Variants in NKAIN2 observed in about 807,000 individuals in gnomAD.
NKAIN2 encodes sodium/potassium-transporting ATPase subunit beta-1-interacting protein 2.
Under a neutral mutation model 32.6 loss-of-function variants are expected in NKAIN2, and 14 were observed. That is an observed-to-expected ratio of 0.43 (90% CI 0.28 to 0.67). The LOEUF (loss-of-function observed/expected upper bound fraction) is 0.67, where lower values mean the gene tolerates loss of function less well. NKAIN2 is among the 30% of genes least tolerant of loss of function. The pLI, the probability that NKAIN2 is intolerant of heterozygous loss-of-function variation, is 0.17. For synonymous variants in NKAIN2, 80 were observed against 87.2 expected, an observed-to-expected ratio of 0.92 and a Z score of 0.46; for missense variants, 198 against 258.3, an observed-to-expected ratio of 0.77 and a Z score of 1.60.
intron 2 of NKAIN2, among the ~76,000 whole-genome samples, chr6:124,307,047 GT>G (rs557290728): frequency 1.2e-4 from 18 of 152,186 alleles, no homozygotes; most frequent in African/African-American, 4.1e-4. Context: ...AATGAGTTCT[GT>G]TACCACAGTG....
At chr6:124,212,818 G>T (rs1261301690) in intron 1 of NKAIN2, among the ~76,000 whole-genome samples, 3 of 151,970 alleles carry the variant, frequency 2.0e-5, no homozygotes, top group Non-Finnish European at 4.4e-5. Context: ...CTTTTGTTGA[G>T]TATTCATGTG....
At chr6:123,969,712 T>C (rs1355935253) in intron 1 of NKAIN2, among the ~76,000 whole-genome samples, 2 of 152,128 alleles carry the variant, frequency 1.3e-5, no homozygotes, top group Non-Finnish European at 2.9e-5. Context: ...TGCCAGTGTC[T>C]AGATGGGCAA....
At chr6:124,706,610 A>C (rs1205865742) in intron 4 of NKAIN2, among the ~76,000 whole-genome samples, 2 of 152,158 alleles carry the variant, frequency 1.3e-5, no homozygotes, top group African/African-American at 4.8e-5. Context: ...AGACTCAAAG[A>C]GCTGAATCCA....
intron 3 of NKAIN2, among the ~76,000 whole-genome samples, chr6:124,610,205 A>G (rs1032865260): frequency 6.6e-6 from 1 of 152,186 alleles, no homozygotes; most frequent in Non-Finnish European, 1.5e-5. Context: ...GTAATATTGT[A>G]TCTACTTACA....
At chr6:124,206,403 C>T (rs1012519322) in intron 1 of NKAIN2, among the ~76,000 whole-genome samples, 21 of 151,914 alleles carry the variant, frequency 1.4e-4, no homozygotes, top group Non-Finnish European at 2.5e-4. Context: ...TTCTATAAAT[C>T]AGAAAGTTTG....
intron 1 of NKAIN2, among the ~76,000 whole-genome samples, chr6:124,085,702 A>C (rs771174911): frequency 1.3e-5 from 2 of 152,012 alleles, no homozygotes; most frequent in Non-Finnish European, 2.9e-5. Context: ...CTTCTGATAC[A>C]TAAGTGAATA....
chr6:124,802,527 G>C (rs1780308231), intron 5 of NKAIN2, among the ~76,000 whole-genome samples: 1 of 152,162 alleles, frequency 6.6e-6, no homozygotes, highest in Non-Finnish European at 1.5e-5. Flanking sequence ...TTCATTACAT[G>C]CTTCTCTACA....
chr6:124,113,775 A>C (rs1050997911), intron 1 of NKAIN2, among the ~76,000 whole-genome samples: 1 of 152,132 alleles, frequency 6.6e-6, no homozygotes, highest in Non-Finnish European at 1.5e-5. Context: ...GGTGTTTCAT[A>C]TCTCTCTGTC....
rs1364020562 is a variant in NKAIN2, at chr6:124,035,315, G to C, written c.54+231061G>C. On this transcript the variant is annotated intron_variant, in intron 1 of 6. Coordinates refer to ENST00000368417, the MANE Select transcript of NKAIN2 (RefSeq NM_001040214.3). ...GCTAATAAACCTTAACTGTAAATTA[G>C]AGCACATTTTATGGATATGACAAAT... Among the ~76,000 whole-genome samples the C allele has an allele frequency of 3.9e-5, 6 of 152,004 alleles. No individual in the cohort carries two copies. The East Asian group carries it at 1.2e-3, about 29-fold the overall frequency.
intron 1 of NKAIN2, among the ~76,000 whole-genome samples, chr6:124,261,080 A>G (rs1794228329): frequency 6.6e-6 from 1 of 152,212 alleles, no homozygotes; most frequent in Admixed American, 6.5e-5. Flanking sequence ...GAACATTTAT[A>G]GAGATGGAAA....
At chr6:124,303,960 A>C (rs1216400092) in intron 2 of NKAIN2, among the ~76,000 whole-genome samples, 1 of 152,224 alleles carries the variant, frequency 6.6e-6, no homozygotes, top group East Asian at 1.9e-4. Context: ...TGGGTAACCA[A>C]ATGAGTGAAA....
intron 1 of NKAIN2, among the ~76,000 whole-genome samples, chr6:124,192,585 C>T (rs1790073357): frequency 6.6e-6 from 1 of 151,818 alleles, no homozygotes; most frequent in Non-Finnish European, 1.5e-5. Flanking sequence ...GTGTAGTGTT[C>T]AATAAAAGTT....
At chr6:124,379,129 AGGAGAG>A (rs2114361080) in intron 3 of NKAIN2, among the ~76,000 whole-genome samples, 1 of 60,958 alleles carries the variant, frequency 1.6e-5, no homozygotes, top group African/African-American at 5.9e-5. Flanking sequence ...AGGGGAGGGG[AGGAGAG>A]GGGAGGGGAG....
chr6:124,209,102 C>G (rs1481975949), intron 1 of NKAIN2, among the ~76,000 whole-genome samples: 3 of 151,090 alleles, frequency 2.0e-5, no homozygotes, highest in African/African-American at 7.3e-5. Context: ...AAGAATCATC[C>G]CCACTTTATA....
intron 1 of NKAIN2, among the ~76,000 whole-genome samples, chr6:124,012,684 T>C (rs9401721): frequency 0.11 from 16,817 of 152,202 alleles, 1,597 homozygotes; most frequent in African/African-American, 0.26. Flanking sequence ...CTCGATGAGT[T>C]GTATTCCATT....
At chr6:124,610,570 A>C (rs1298080394) in intron 3 of NKAIN2, among the ~76,000 whole-genome samples, 5 of 152,146 alleles carry the variant, frequency 3.3e-5, no homozygotes, top group African/African-American at 4.8e-5. Context: ...TGACTCTCTC[A>C]ATTTTAAATA....
At chr6:124,198,567 A>G (rs2114616285) in intron 1 of NKAIN2, among the ~76,000 whole-genome samples, 1 of 151,936 alleles carries the variant, frequency 6.6e-6, no homozygotes, top group South Asian at 2.1e-4. Flanking sequence ...CCTTCTTATA[A>G]TCACAATAAC....
intron 3 of NKAIN2, among the ~76,000 whole-genome samples, chr6:124,615,820 A>G (rs1341141606): frequency 3.9e-5 from 6 of 152,028 alleles, no homozygotes; most frequent in African/African-American, 1.5e-4. Flanking sequence ...AATGCTTTGC[A>G]TTAGTCTCTT....
At chr6:124,780,202 G>A (rs1169734887) in intron 4 of NKAIN2, among the ~76,000 whole-genome samples, 4 of 152,102 alleles carry the variant, frequency 2.6e-5, no homozygotes, top group African/African-American at 7.2e-5. Flanking sequence ...GAGTGGTGAG[G>A]ATGAAAGGCC....
Sources: gnomAD v4.1 joint callset for allele counts (sites outside exome capture counted in the v4.1 genomes callset) on GRCh38, gnomAD v4.1.1 for gene constraint, MANE v1.5 for transcripts, NCBI Gene and HGNC (gene_info 2026-07-23, HGNC 2026-07-21) for gene names.